The following ERC2 variants were observed in gnomAD, a reference collection of about 807,000 sequenced individuals.
The protein encoded by ERC2 is ELKS/RAB6-interacting/CAST family member 2, also known as ERC protein 2.
Under a neutral mutation model 114.8 loss-of-function variants are expected in ERC2, and 42 were observed. The observed-to-expected ratio is 0.37, with a 90% confidence interval of 0.29 to 0.47. The LOEUF (loss-of-function observed/expected upper bound fraction) is 0.47, where lower values mean the gene tolerates loss of function less well. Ranked by LOEUF, ERC2 falls within the 20% of genes least tolerant of loss-of-function variation. The pLI, the probability that ERC2 is intolerant of heterozygous loss-of-function variation, is 0.99. For missense variants in ERC2, 939 were observed against 1,150.7 expected (o/e 0.82, Z 2.66); for synonymous variants, 454 against 425.5 (o/e 1.07, Z -0.82).
intron 17 of ERC2, among the ~76,000 whole-genome samples, chr3:55,674,202 C>T (rs1158473469): frequency 6.6e-6 from 1 of 152,164 alleles, no homozygotes; most frequent in East Asian, 1.9e-4. Flanking sequence ...CCACCAAAAA[C>T]AGTCTTAGCT....
chr3:55,849,966 G>A (rs1245894122), intron 14 of ERC2, among the ~76,000 whole-genome samples: 6 of 152,200 alleles, frequency 3.9e-5, no homozygotes, highest in Non-Finnish European at 7.4e-5. Flanking sequence ...AGTTCTGGAG[G>A]CCAGAAGTCC....
intron 14 of ERC2, among the ~76,000 whole-genome samples, chr3:55,787,170 A>T (rs2069579314): frequency 6.6e-6 from 1 of 152,156 alleles, no homozygotes; most frequent in South Asian, 2.1e-4. Flanking sequence ...TAATCCTAGC[A>T]CTTTGGGAGC....
intron 14 of ERC2, among the ~76,000 whole-genome samples, chr3:55,875,023 C>T (rs2062761117): frequency 6.6e-6 from 1 of 152,174 alleles, no homozygotes; most frequent in Non-Finnish European, 1.5e-5. Flanking sequence ...CAGACCCTCC[C>T]CAGAGTCAGC....
intron 3 of ERC2, among the ~76,000 whole-genome samples, chr3:56,184,225 T>A (rs2083456978): frequency 6.6e-6 from 1 of 152,162 alleles, no homozygotes; most frequent in South Asian, 2.1e-4. Flanking sequence ...TCTATTAATA[T>A]TTGGCCAGTT....
At chr3:56,419,938 C>T (rs1328902742) in intron 2 of ERC2, among the ~76,000 whole-genome samples, 2 of 152,096 alleles carry the variant, frequency 1.3e-5, no homozygotes, top group African/African-American at 4.8e-5. Flanking sequence ...TTATTTGGTA[C>T]ATTTCTAAAT....
intron 7 of ERC2, among the ~76,000 whole-genome samples, chr3:56,055,830 G>A (rs1277597229): frequency 6.6e-6 from 1 of 152,196 alleles, no homozygotes; most frequent in African/African-American, 2.4e-5. Flanking sequence ...CCCTCATGCT[G>A]AGAATTGCCA....
At chr3:55,893,397 T>C (rs1576061353) in intron 13 of ERC2, among the ~76,000 whole-genome samples, 1 of 152,326 alleles carries the variant, frequency 6.6e-6, no homozygotes, top group African/African-American at 2.4e-5. Context: ...CTCACCTCTA[T>C]GTAGATGTCT....
At chr3:56,348,891 G>A (rs148078080) in intron 2 of ERC2, among the ~76,000 whole-genome samples, 242 of 33,358 alleles carry the variant, frequency 7.3e-3, no homozygotes, top group Middle Eastern at 0.016. Context: ...AAGGAAGGAA[G>A]GAAGGAAGGA....
At chr3:56,116,608 A>G (rs1039486948) in intron 6 of ERC2, among the ~76,000 whole-genome samples, 2 of 152,160 alleles carry the variant, frequency 1.3e-5, no homozygotes, top group African/African-American at 4.8e-5. Flanking sequence ...TTCCAGACAC[A>G]CAACATCATG....
intron 2 of ERC2, among the ~76,000 whole-genome samples, chr3:56,423,147 CAATT>C (rs1190180136): frequency 6.6e-6 from 1 of 152,198 alleles, no homozygotes; most frequent in African/African-American, 2.4e-5. Context: ...ACATCATTGA[CAATT>C]CATTCTTTCC....
intron 2 of ERC2, among the ~76,000 whole-genome samples, chr3:56,384,017 G>A (rs1368167193): frequency 4.6e-5 from 7 of 152,116 alleles, no homozygotes; most frequent in Admixed American, 2.6e-4. Context: ...CCATGTCATA[G>A]TATGTGTCAG....
At chr3:56,258,976 A>T (rs945487456) in intron 3 of ERC2, among the ~76,000 whole-genome samples, 19 of 144,194 alleles carry the variant, frequency 1.3e-4, no homozygotes, top group Admixed American at 4.8e-4. Flanking sequence ...TAATTAATTA[A>T]TTTTTTTTTT....
chr3:56,453,213 G>A (rs2062904847), intron 1 of ERC2, among the ~76,000 whole-genome samples: 1 of 152,148 alleles, frequency 6.6e-6, no homozygotes, highest in Non-Finnish European at 1.5e-5. Flanking sequence ...ACTTGTTTTG[G>A]CCAATGAAAT....
chr3:55,747,013 G>T (rs2066351244), intron 14 of ERC2, among the ~76,000 whole-genome samples: 1 of 152,132 alleles, frequency 6.6e-6, no homozygotes, highest in Non-Finnish European at 1.5e-5. Flanking sequence ...TGTGGCCATT[G>T]CAATAAATAT....
chr3:55,981,903 C>T (rs1190166419), intron 12 of ERC2, among the ~76,000 whole-genome samples: 1 of 152,110 alleles, frequency 6.6e-6, no homozygotes, highest in African/African-American at 2.4e-5. Context: ...CTTTGTTCAA[C>T]AGCATTAAAG....
Position 55,992,158 on chromosome 3 carries a change from C to T in ERC2, c.2154G>A (p.Glu718=), listed in dbSNP as rs763941629. ...LDKEASYYRD[E]CGKAQAEVDR... ...CCACTTCCGCTTGGGCCTTGCCACA[C>T]TCGTCGCGGTAGTAAGACGCCTCTT... The change falls in exon 11 of 18, where the codon GAG becomes GAA. Residue 718 remains glutamate (E), a synonymous_variant. Transcript: ENST00000288221. 2 of 1,613,960 alleles carry T rather than the reference C, an allele frequency of 1.2e-6. No individual in the cohort carries two copies. Among genetic ancestry groups the T allele is most frequent in the Admixed American group, 3.3e-5 (2 of 60,014 alleles).
At chr3:55,646,581 C>A (rs2060409205) in intron 17 of ERC2, among the ~76,000 whole-genome samples, 1 of 152,036 alleles carries the variant, frequency 6.6e-6, no homozygotes, top group Admixed American at 6.6e-5. Context: ...CCTTTTTCAC[C>A]GAAAATCTTA....
At chr3:55,655,006 C>T (rs1016477487) in intron 17 of ERC2, among the ~76,000 whole-genome samples, 2 of 152,190 alleles carry the variant, frequency 1.3e-5, no homozygotes, top group African/African-American at 2.4e-5. Context: ...AAGGCTCACC[C>T]TATACAGGCC....
intron 6 of ERC2, among the ~76,000 whole-genome samples, chr3:56,088,147 C>T (rs534075319): frequency 6.6e-6 from 1 of 152,106 alleles, no homozygotes; most frequent in African/African-American, 2.4e-5. Context: ...AGAGGCTACA[C>T]TTTCCAGATG....
Sources: gnomAD v4.1 joint callset for allele counts (sites outside exome capture counted in the v4.1 genomes callset) on GRCh38, gnomAD v4.1.1 for gene constraint, MANE v1.5 for transcripts, NCBI Gene and HGNC (gene_info 2026-07-23, HGNC 2026-07-21) for gene names.